UBE2E2: variants seen among roughly 807,000 people sequenced by gnomAD.
The protein encoded by UBE2E2 is ubiquitin-conjugating enzyme E2 E2.
In UBE2E2, 6 loss-of-function variants were observed where a neutral mutation model predicts 24.7. That is an observed-to-expected ratio of 0.24 (90% CI 0.13 to 0.48). The LOEUF (loss-of-function observed/expected upper bound fraction) is 0.48, where lower values mean the gene tolerates loss of function less well. Ranked by LOEUF, UBE2E2 falls within the 20% of genes least tolerant of loss-of-function variation. The pLI is 0.99. For synonymous variants in UBE2E2, 104 were observed against 83.6 expected (o/e 1.24, Z -1.33); for missense variants, 169 against 245.0 (o/e 0.69, Z 2.07).
At chr3:23,411,062 G>T (rs535042354) in intron 3 of UBE2E2, among the ~76,000 whole-genome samples, 3 of 152,194 alleles carry the variant, frequency 2.0e-5, no homozygotes, top group African/African-American at 7.2e-5. Flanking sequence ...ACTATAATGT[G>T]CTCTGGAAGA....
Position 23,287,358 on chromosome 3 carries a change from C to G in UBE2E2, c.227+70046C>G, listed in dbSNP as rs57027356. Among the ~76,000 whole-genome samples the G allele has an allele frequency of 5.1e-3, 771 of 152,220 alleles. 8 individuals are homozygous for G. Among genetic ancestry groups the G allele is most frequent in the African/African-American group, 0.018 (739 of 41,556 alleles). The stretch of plus-strand genomic sequence containing the variant: ...TGTTGAAGATTTTTGCATTAGTGAT[C>G]ATTAAGGATACTGGCCTGTAGTTTG... On this transcript the variant is annotated intron_variant, in intron 3 of 5. Transcript: ENST00000396703.
intron 3 of UBE2E2, among the ~76,000 whole-genome samples, chr3:23,395,044 ACTT>A (rs1429266204): frequency 1.3e-5 from 2 of 152,156 alleles, no homozygotes; most frequent in Non-Finnish European, 1.5e-5. Context: ...ATCATTTTCT[ACTT>A]CTTGTGTCAT....
chr3:23,483,996 G>A (rs1201612366), intron 3 of UBE2E2, among the ~76,000 whole-genome samples: 1 of 152,188 alleles, frequency 6.6e-6, no homozygotes, highest in Non-Finnish European at 1.5e-5. Flanking sequence ...AAAGACCTCA[G>A]TGGAGCCCTG....
intron 3 of UBE2E2, among the ~76,000 whole-genome samples, chr3:23,452,512 T>C (rs1476459227): frequency 2.0e-5 from 3 of 152,198 alleles, no homozygotes; most frequent in Non-Finnish European, 4.4e-5. Context: ...AAAAGTCGTG[T>C]TTATAAAATA....
At chr3:23,518,640 A>G (rs1694796441) in intron 4 of UBE2E2, among the ~76,000 whole-genome samples, 1 of 152,090 alleles carries the variant, frequency 6.6e-6, no homozygotes, top group South Asian at 2.1e-4. Context: ...CCTCTCCGAT[A>G]TTCTCCACAG....
At chr3:23,339,941 T>C (rs1695335146) in intron 3 of UBE2E2, among the ~76,000 whole-genome samples, 1 of 152,082 alleles carries the variant, frequency 6.6e-6, no homozygotes, top group Non-Finnish European at 1.5e-5. Flanking sequence ...TACTGAAATA[T>C]TTAGAGAAAA....
At chr3:23,313,040 T>A (rs1374382798) in intron 3 of UBE2E2, among the ~76,000 whole-genome samples, 5 of 152,216 alleles carry the variant, frequency 3.3e-5, no homozygotes, top group Non-Finnish European at 7.3e-5. Flanking sequence ...GAATGATTCA[T>A]GTGCTGAGGA....
intron 3 of UBE2E2, among the ~76,000 whole-genome samples, chr3:23,456,879 C>T (rs1698691447): frequency 1.3e-5 from 2 of 152,208 alleles, no homozygotes; most frequent in Non-Finnish European, 2.9e-5. Context: ...CTGACTTCTC[C>T]TCTCTAGCTC....
At chr3:23,263,022 G>A (rs1697944509) in intron 3 of UBE2E2, among the ~76,000 whole-genome samples, 1 of 152,166 alleles carries the variant, frequency 6.6e-6, no homozygotes. Context: ...TACTGATGAG[G>A]AAAAGCAGGC....
Position 23,533,775 on chromosome 3 carries a change from G to A in UBE2E2, c.508+1074G>A, listed in dbSNP as rs564899410. Reference sequence around the variant, plus strand: ...GTAGCTGGGATTACAGCCGTGTGCCGCCAAGCCCAGCTTATTTTTGTACTT... The same window carrying A: ...GTAGCTGGGATTACAGCCGTGTGCCACCAAGCCCAGCTTATTTTTGTACTT... On this transcript the variant is annotated intron_variant, in intron 5 of 5. Transcript: ENST00000396703. Among the ~76,000 whole-genome samples the A allele has an allele frequency of 4.0e-5, 6 of 151,680 alleles. No homozygotes were observed. The East Asian group carries it at 5.8e-4, about 15-fold the overall frequency.
chr3:23,466,540 C>A (rs1698922389), intron 3 of UBE2E2, among the ~76,000 whole-genome samples: 1 of 151,552 alleles, frequency 6.6e-6, no homozygotes, highest in African/African-American at 2.4e-5. Context: ...AAGGAGTAGT[C>A]CCAGAGTCTG....
intron 3 of UBE2E2, among the ~76,000 whole-genome samples, chr3:23,343,375 A>C (rs769836769): frequency 1.3e-5 from 2 of 152,136 alleles, no homozygotes; most frequent in East Asian, 3.9e-4. Flanking sequence ...GAGGAGTTCA[A>C]CACCAGCCTG....
intron 3 of UBE2E2, among the ~76,000 whole-genome samples, chr3:23,243,941 C>T (rs1212181174): frequency 1.3e-5 from 2 of 151,878 alleles, no homozygotes; most frequent in Admixed American, 6.6e-5. Flanking sequence ...CATTTTCACA[C>T]TCGGGAGTTT....
intron 3 of UBE2E2, among the ~76,000 whole-genome samples, chr3:23,322,975 T>G (rs1361304793): frequency 6.6e-6 from 1 of 151,996 alleles, no homozygotes; most frequent in Non-Finnish European, 1.5e-5. Flanking sequence ...CATACGTGGT[T>G]CAGTAAAACA....
intron 3 of UBE2E2, among the ~76,000 whole-genome samples, chr3:23,347,513 T>C (rs1240129078): frequency 6.7e-6 from 1 of 149,030 alleles, no homozygotes; most frequent in Non-Finnish European, 1.5e-5. Context: ...TGAGAACACA[T>C]GGACACAGGG....
chr3:23,396,942 A>T (rs942762650), intron 3 of UBE2E2, among the ~76,000 whole-genome samples: 1 of 152,214 alleles, frequency 6.6e-6, no homozygotes, highest in Non-Finnish European at 1.5e-5. Context: ...ATAGAGTGTG[A>T]TACCTGCTTT....
intron 3 of UBE2E2, among the ~76,000 whole-genome samples, chr3:23,246,710 G>T (rs935382362): frequency 6.6e-6 from 1 of 151,712 alleles, no homozygotes; most frequent in African/African-American, 2.4e-5. Context: ...GTAGTACCTG[G>T]TTATTATCGG....
At chr3:23,364,463 A>C (rs1446557906) in intron 3 of UBE2E2, among the ~76,000 whole-genome samples, 1 of 152,194 alleles carries the variant, frequency 6.6e-6, no homozygotes, top group African/African-American at 2.4e-5. Context: ...CCCAACAGAA[A>C]TACAAAAAAA....
At chr3:23,415,516 C>A (rs887209851) in intron 3 of UBE2E2, among the ~76,000 whole-genome samples, 1 of 152,132 alleles carries the variant, frequency 6.6e-6, no homozygotes, top group African/African-American at 2.4e-5. Flanking sequence ...ACCTTTCCTT[C>A]CTGTTATACA....
Sources: gnomAD v4.1 joint callset for allele counts (sites outside exome capture counted in the v4.1 genomes callset) on GRCh38, gnomAD v4.1.1 for gene constraint, MANE v1.5 for transcripts, NCBI Gene and HGNC (gene_info 2026-07-23, HGNC 2026-07-21) for gene names.